Variants in LY6D observed in about 807,000 individuals in gnomAD.
The protein encoded by LY6D is lymphocyte antigen 6 family member D, also known as lymphocyte antigen 6D.
Under a neutral mutation model 5.6 loss-of-function variants are expected in LY6D, and 7 were observed. The ratio of observed to expected loss-of-function variants is 1.24; its 90% CI spans 0.71 to 2.34. The LOEUF is 2.34. Ranked by LOEUF, LY6D falls within the 30% of genes most tolerant of loss-of-function variation. The probability of loss-of-function intolerance (pLI) is 0.00; values close to 1 mark genes in which losing one functional copy is unlikely to be tolerated. For synonymous variants in LY6D, 81 were observed against 75.0 expected, an observed-to-expected ratio of 1.08 and a Z score of -0.41; for missense variants, 148 against 164.8, an observed-to-expected ratio of 0.90 and a Z score of 0.56.
In LY6D at chr8:142,785,138, C is replaced by G. The variant is rs948497944; in HGVS notation, c.*83G>C. On this transcript the variant is annotated 3_prime_UTR_variant, in exon 3 of 3. Coordinates refer to ENST00000301263, the MANE Select transcript of LY6D (RefSeq NM_003695.3). ...GCCCTCAGCCTGGGGCTCCTGGCAC[C>G]CCCGTTGCGGCTGGGGAAGAGAGGT... 4 of 1,149,684 alleles carry G rather than the reference C, an allele frequency of 3.5e-6. No individual in the cohort carries two copies. In the African/African-American group the frequency reaches 4.6e-5, roughly 13 times the overall value. The allele number at this position is 1,149,684 out of a possible 1,614,324, so 71.2% of individuals were successfully genotyped here. A position where few individuals can be genotyped will look rare whatever the true frequency, so the allele number is the denominator to read the frequency against.
chr8:142,785,401 G>A lies in LY6D; in HGVS notation c.207C>T (p.Pro69=), dbSNP rs781401640. ...TGACCTGGCCTTGCAGGGTGTAGCT[G>A]GGTGTGCACGACTCCGCACAGTCCT... ...VKKDCAESCT[P]SYTLQGQVSS... Residue 69 remains proline, a synonymous_variant, in exon 3 of 3, where the codon CCC becomes CCT. Transcript: ENST00000301263. 12 of 1,613,564 alleles carry A rather than the reference G, an allele frequency of 7.4e-6. No individual in the cohort carries two copies. In the Admixed American group the frequency reaches 2.0e-4, roughly 27 times the overall value.
At chr8:142,785,933 G>T in intron 1 of LY6D, 1 of 1,376,222 alleles carries the variant, frequency 7.3e-7, no homozygotes, top group African/African-American at 1.5e-5. Flanking sequence ...AGGGTGTGTT[G>T]CAAGCCTTTC....
In LY6D at chr8:142,785,389, C is replaced by G; in HGVS notation, c.219G>C (p.Leu73=). 1 of 1,613,642 alleles carries G rather than the reference C, an allele frequency of 6.2e-7. No homozygotes were observed. Among genetic ancestry groups the G allele is most frequent in the Non-Finnish European group, 8.5e-7 (1 of 1,179,962 alleles). ...TGGTGCCGCTGCTGACCTGGCCTTG[C>G]AGGGTGTAGCTGGGTGTGCACGACT... ...CAESCTPSYT[L]QGQVSSGTSS... The change falls in exon 3 of 3, where the codon CTG becomes CTC. Residue 73 remains leucine (L), a synonymous_variant. Transcript: ENST00000301263.
At chr8:142,786,430 G>GGCCCCCCCCCCC in intron 1 of LY6D, 35 bp downstream of exon 1, 8 of 1,434,700 alleles carry the variant, frequency 5.6e-6, no homozygotes, top group Non-Finnish European at 6.6e-6. Flanking sequence ...GGCCACAGCC[G>GGCCCCCCCCCCC]CCCACCCGCC....
intron 1 of LY6D, 36 bp downstream of exon 1, chr8:142,786,429 C>CGG: frequency 2.5e-5 from 36 of 1,466,858 alleles, no homozygotes; most frequent in Non-Finnish European, 2.9e-5. Context: ...AGGCCACAGC[C>CGG]GCCCACCCGC....
rs747030780 is a variant in LY6D, at chr8:142,785,213, G to A, written c.*8C>T. 10 of 1,588,500 alleles carry A rather than the reference G, an allele frequency of 6.3e-6. No homozygotes were observed. The highest frequency in any genetic ancestry group is 1.7e-5 in the Admixed American group (1 of 59,536). Reference sequence around the variant, plus strand: ...GAAAGGCATGAGGGGCCTTCCCTGGGGGGAAGGTCACAGGCTGGGGGCTAA... The same window carrying A: ...GAAAGGCATGAGGGGCCTTCCCTGGAGGGAAGGTCACAGGCTGGGGGCTAA... On this transcript the variant is annotated 3_prime_UTR_variant, in exon 3 of 3. Coordinates refer to ENST00000301263, the MANE Select transcript of LY6D (RefSeq NM_003695.3).
At chr8:142,785,957 G>C (rs972214344) in intron 1 of LY6D, 1 of 1,336,148 alleles carries the variant, frequency 7.5e-7, no homozygotes, top group African/African-American at 1.5e-5. Flanking sequence ...CAAGGTCTCA[G>C]GGAGCTCTGC....
intron 1 of LY6D, 93 bp from the exon 2 acceptor site, chr8:142,785,780 G>GAC: frequency 6.5e-7 from 1 of 1,539,298 alleles, no homozygotes; most frequent in Non-Finnish European, 8.8e-7. Flanking sequence ...ACCCCTCCTG[G>GAC]ACAGAGGCCC....
Position 142,786,301 on chromosome 8 carries a change from CT to C in LY6D, c.52+163del, listed in dbSNP as rs1294949037. On this transcript the variant is annotated intron_variant, in intron 1 of 2. Transcript: ENST00000301263. The stretch of plus-strand genomic sequence containing the variant: ...ATTCTGAAACATTGTAAATCTGACA[CT>C]CGTTAAGATTCGGGCTCCATGTTGT... 57 of 1,371,508 alleles carry C rather than the reference CT, an allele frequency of 4.2e-5. No homozygotes were observed. In the East Asian group the frequency reaches 1.6e-3, roughly 38 times the overall value. 85.0% of individuals were successfully genotyped at this position (1,371,508 alleles called of 1,614,324 possible).
chr8:142,786,152 G>A, intron 1 of LY6D: 1 of 1,242,234 alleles, frequency 8.1e-7, no homozygotes, highest in Non-Finnish European at 1.0e-6. Context: ...GGAGACCTGG[G>A]GACCGGGAGG....
At chr8:142,786,344 C>T in intron 1 of LY6D, 121 bp downstream of exon 1, 2 of 1,425,976 alleles carry the variant, frequency 1.4e-6, no homozygotes, top group African/African-American at 1.5e-5. Flanking sequence ...TTTGAAGAGT[C>T]TAGCACCCAC....
At chr8:142,786,141 G>T in intron 1 of LY6D, 3 of 1,239,036 alleles carry the variant, frequency 2.4e-6, no homozygotes, top group Non-Finnish European at 1.0e-6. Flanking sequence ...GCTGTGCTGG[G>T]GGAGACCTGG....
chr8:142,785,443 C>T lies in LY6D; in HGVS notation c.165G>A (p.Arg55=), dbSNP rs777517280. The part of the protein sequence containing the change: ...CKTTNTVEPL[R]GNLVKKDCAE... ...CACAGTCCTTCTTCACCAGATTCCCCCTCAGAGGCTCCACTGGGCACAGGT... is the reference window on the plus strand; with the variant it reads ...CACAGTCCTTCTTCACCAGATTCCCTCTCAGAGGCTCCACTGGGCACAGGT... Residue 55 remains arginine, a synonymous_variant, in exon 3 of 3, where the codon AGG becomes AGA. Coordinates refer to ENST00000301263, the MANE Select transcript of LY6D (RefSeq NM_003695.3). 1.2e-6 allele frequency: 2 copies of T among 1,612,426 alleles called. No individual in the cohort carries two copies. The highest frequency in any genetic ancestry group is 2.2e-5 in the East Asian group (1 of 44,858).
rs1431192474 is a variant in LY6D at position 142,785,384 on chromosome 8, C to A, written c.224G>T (p.Gly75Val). 3.1e-6 allele frequency: 5 copies of A among 1,613,454 alleles called. No individual in the cohort carries two copies. The highest frequency in any genetic ancestry group is 1.1e-5 in the South Asian group (1 of 91,084). The change falls in exon 3 of 3, where the codon GGC becomes GTC. Residue 75 changes from glycine (G) to valine (V), a missense_variant. Transcript: ENST00000301263. ...ESCTPSYTLQ[G>V]QVSSGTSSTQ... ...GGAGCTGGTGCCGCTGCTGACCTGG[C>A]CTTGCAGGGTGTAGCTGGGTGTGCA...
Position 142,785,416 on chromosome 8 carries a change from C to T in LY6D, c.192G>A (p.Ala64=), listed in dbSNP as rs748624351. Residue 64 remains alanine, a synonymous_variant, in exon 3 of 3, where the codon GCG becomes GCA. Coordinates refer to ENST00000301263, the MANE Select transcript of LY6D (RefSeq NM_003695.3). ...LRGNLVKKDC[A]ESCTPSYTLQ... The stretch of plus-strand genomic sequence containing the variant: ...GGGTGTAGCTGGGTGTGCACGACTC[C>T]GCACAGTCCTTCTTCACCAGATTCC... The T allele has an allele frequency of 1.3e-5, 21 of 1,613,258 alleles. No homozygotes were observed. Among genetic ancestry groups the T allele is most frequent in the Admixed American group, 1.7e-5 (1 of 59,988 alleles).
chr8:142,785,747 G>C, intron 1 of LY6D, 60 bp from the exon 2 acceptor site: 1 of 1,596,624 alleles, frequency 6.3e-7, no homozygotes, highest in East Asian at 2.3e-5. Context: ...GACTCAGCAG[G>C]GCCTGCTCCC....
At position 142,785,215 on chromosome 8, in the gene LY6D, G is replaced by T. The variant is rs1358598518; in HGVS notation, c.*6C>A. ...AAGGCATGAGGGGCCTTCCCTGGGG[G>T]GAAGGTCACAGGCTGGGGGCTAAGA... is the stretch of plus-strand genomic sequence containing the variant. On this transcript the variant is annotated 3_prime_UTR_variant, in exon 3 of 3. Coordinates refer to ENST00000301263, the MANE Select transcript of LY6D (RefSeq NM_003695.3). 3 of 1,593,678 alleles carry T rather than the reference G, an allele frequency of 1.9e-6. No homozygotes were observed. In the Admixed American group the frequency reaches 5.0e-5, roughly 27 times the overall value.
intron 1 of LY6D, chr8:142,786,233 T>C (rs1409283115): frequency 7.4e-7 from 1 of 1,352,534 alleles, no homozygotes; most frequent in African/African-American, 1.5e-5. Flanking sequence ...TGCTCCACTC[T>C]CTCAGGGTCC....
intron 1 of LY6D, 85 bp from the exon 2 acceptor site, chr8:142,785,772 C>T: frequency 6.5e-7 from 1 of 1,549,788 alleles, no homozygotes; most frequent in Non-Finnish European, 8.7e-7. Context: ...CTGCAGAGAC[C>T]CCTCCTGGAC....
Sources: gnomAD v4.1 joint callset for allele counts on GRCh38, gnomAD v4.1.1 for gene constraint, MANE v1.5 for transcripts, NCBI Gene and HGNC (gene_info 2026-07-23, HGNC 2026-07-21) for gene names.